FZD3: variants seen among roughly 807,000 people sequenced by gnomAD.
The protein encoded by FZD3 is frizzled-3.
In FZD3, 30 loss-of-function variants were observed where a neutral mutation model predicts 60.7. The observed-to-expected ratio is 0.49, with a 90% CI of 0.37 to 0.67. The LOEUF (loss-of-function observed/expected upper bound fraction) is 0.67. Ranked by LOEUF, FZD3 falls within the 30% of genes least tolerant of loss-of-function variation. The probability of loss-of-function intolerance (pLI) is 0.00; values close to 1 mark genes in which losing one functional copy is unlikely to be tolerated. For missense variants in FZD3, 605 were observed against 838.7 expected (o/e 0.72, Z 3.44); for synonymous variants, 246 against 275.2 (o/e 0.89, Z 1.05).
chr8:28,517,382 G>A (rs539574640), intron 3 of FZD3, among the ~76,000 whole-genome samples: 72 of 152,184 alleles, frequency 4.7e-4, no homozygotes, highest in African/African-American at 1.5e-3. Context: ...GTTTTCAACC[G>A]TTTAAATAAG....
At chr8:28,500,916 A>AGG (rs2130265908) in intron 2 of FZD3, among the ~76,000 whole-genome samples, 2 of 152,076 alleles carry the variant, frequency 1.3e-5, no homozygotes, top group East Asian at 3.9e-4. Flanking sequence ...GCCTGCCACC[A>AGG]CGCCTGGCTA....
At chr8:28,558,544 C>T (rs1372433361) in intron 7 of FZD3, among the ~76,000 whole-genome samples, 1 of 152,042 alleles carries the variant, frequency 6.6e-6, no homozygotes, top group Non-Finnish European at 1.5e-5. Context: ...GATTCTCATG[C>T]CTCAGCCCCC....
At chr8:28,539,495 CAA>C (rs1156365367) in intron 5 of FZD3, among the ~76,000 whole-genome samples, 1 of 152,064 alleles carries the variant, frequency 6.6e-6, no homozygotes, top group Non-Finnish European at 1.5e-5. Flanking sequence ...GGTGACTTTT[CAA>C]AGCATAATAA....
chr8:28,532,356 A>G (rs1804899980), intron 5 of FZD3, among the ~76,000 whole-genome samples: 1 of 152,146 alleles, frequency 6.6e-6, no homozygotes, highest in East Asian at 1.9e-4. Context: ...TGCAATACTG[A>G]GTTTTAATAG....
chr8:28,552,661 G>T (rs993762740), intron 6 of FZD3, among the ~76,000 whole-genome samples: 1 of 151,708 alleles, frequency 6.6e-6, no homozygotes, highest in African/African-American at 2.4e-5. Context: ...GCCTTGTATT[G>T]GTTAATGTCA....
chr8:28,552,815 C>T (rs1276707978), intron 6 of FZD3, among the ~76,000 whole-genome samples: 2 of 151,842 alleles, frequency 1.3e-5, no homozygotes, highest in East Asian at 1.9e-4. Context: ...TTGTATCTGG[C>T]GGTTCCATAT....
At chr8:28,535,718 A>T (rs1252043750) in intron 5 of FZD3, among the ~76,000 whole-genome samples, 1 of 152,256 alleles carries the variant, frequency 6.6e-6, no homozygotes, top group Admixed American at 6.5e-5. Flanking sequence ...TTCACAATTT[A>T]AAAACTGGTT....
At chr8:28,558,436 A>ATT (rs34004990) in intron 7 of FZD3, among the ~76,000 whole-genome samples, 1 of 147,350 alleles carries the variant, frequency 6.8e-6, no homozygotes, top group African/African-American at 2.5e-5. Context: ...TTATTTATTT[A>ATT]TTTTTTTTTT....
At chr8:28,501,547 T>G (rs1293568823) in intron 2 of FZD3, among the ~76,000 whole-genome samples, 4 of 152,222 alleles carry the variant, frequency 2.6e-5, no homozygotes, top group Non-Finnish European at 5.9e-5. Context: ...GACTATCCAA[T>G]GCATATGAAA....
intron 6 of FZD3, among the ~76,000 whole-genome samples, chr8:28,555,345 G>A (rs1401959760): frequency 1.3e-5 from 2 of 152,142 alleles, no homozygotes; most frequent in Admixed American, 1.3e-4. Flanking sequence ...TAATATTTCA[G>A]TGTCTTGAGA....
rs564516721 is a variant in FZD3, at chr8:28,534,852, A to G, written c.1404+6688A>G. 2.0e-5 allele frequency among the ~76,000 whole-genome samples: 3 copies of G among 152,360 alleles called. No individual in the cohort carries two copies. In the East Asian group the frequency reaches 5.8e-4, roughly 29 times the overall value. On this transcript the variant is annotated intron_variant, in intron 5 of 7. Coordinates refer to ENST00000240093, the MANE Select transcript of FZD3 (RefSeq NM_017412.4). The stretch of plus-strand genomic sequence containing the variant: ...TTTTATATTGAAGTAATAACCACAC[A>G]TACTTGAATAAAGATCTGCTGTTAT...
chr8:28,508,829 A>T (rs1466256618), intron 3 of FZD3, among the ~76,000 whole-genome samples: 1 of 152,090 alleles, frequency 6.6e-6, no homozygotes, highest in Non-Finnish European at 1.5e-5. Flanking sequence ...CTGGCCATGG[A>T]TTTTATTTAG....
intron 5 of FZD3, among the ~76,000 whole-genome samples, chr8:28,550,163 A>G (rs1297966993): frequency 6.6e-6 from 1 of 152,060 alleles, no homozygotes; most frequent in Non-Finnish European, 1.5e-5. Flanking sequence ...TGGCTGTTTG[A>G]CAACTTTATT....
At chr8:28,535,591 C>T (rs566811772) in intron 5 of FZD3, among the ~76,000 whole-genome samples, 2 of 152,184 alleles carry the variant, frequency 1.3e-5, no homozygotes, top group African/African-American at 2.4e-5. Context: ...ACTATACCAA[C>T]CATTTTTAGC....
chr8:28,534,203 T>A (rs1355778408), intron 5 of FZD3, among the ~76,000 whole-genome samples: 1 of 152,216 alleles, frequency 6.6e-6, no homozygotes, highest in Non-Finnish European at 1.5e-5. Context: ...CCTGTTTTTT[T>A]AATTGTAGTT....
chr8:28,514,306 A>C (rs1804366110), intron 3 of FZD3, among the ~76,000 whole-genome samples: 1 of 108,750 alleles, frequency 9.2e-6, no homozygotes, highest in Admixed American at 9.5e-5. Context: ...GAGGTCAAAA[A>C]TTGTTAAGGA....
chr8:28,551,607 C>G lies in FZD3; in HGVS notation c.1409C>G (p.Thr470Ser). The G allele has an allele frequency of 1.2e-6, 2 of 1,600,368 alleles. No homozygotes were observed. The highest frequency in any genetic ancestry group is 1.1e-5 in the South Asian group (1 of 89,220). The change falls in exon 6 of 8, where the codon ACT (threonine) becomes AGT (serine). Residue 470 changes from threonine (T) to serine (S), a missense_variant. Physicochemically the swap from Thr to Ser is moderately conservative, Grantham distance 58. Coordinates refer to ENST00000240093, the MANE Select transcript of FZD3 (RefSeq NM_017412.4). ...EYHIPCPYQVTQMSRPDLILF... is the reference protein window; with the variant it reads ...EYHIPCPYQVSQMSRPDLILF... ...CTTTTCTTTCTGTTCTTCCAGGTTACTCAAATGAGTCGTCCAGACTTGATT... is the reference window on the plus strand; with the variant it reads ...CTTTTCTTTCTGTTCTTCCAGGTTAGTCAAATGAGTCGTCCAGACTTGATT...
At chr8:28,501,797 T>C (rs1162122818) in intron 2 of FZD3, among the ~76,000 whole-genome samples, 2 of 152,220 alleles carry the variant, frequency 1.3e-5, no homozygotes, top group Admixed American at 1.3e-4. Context: ...TTAGGGATGA[T>C]TTCTATTCTC....
intron 1 of FZD3, among the ~76,000 whole-genome samples, chr8:28,496,040 A>G (rs1184653297): frequency 1.3e-5 from 2 of 152,210 alleles, no homozygotes; most frequent in African/African-American, 2.4e-5. Context: ...TAGCTGCTCT[A>G]TGCTTCTGAG....
Sources: allele counts gnomAD v4.1 joint callset (sites outside exome capture counted in the v4.1 genomes callset), GRCh38; gene constraint gnomAD v4.1.1; transcripts MANE v1.5; gene names NCBI Gene and HGNC (gene_info 2026-07-23, HGNC 2026-07-21).